GLE1: variants seen among roughly 807,000 people sequenced by gnomAD.
GLE1 encodes mRNA export factor GLE1.
GLE1 carries 78 observed loss-of-function variants against 97.3 expected under a neutral mutation model. The ratio of observed to expected loss-of-function variants is 0.80; its 90% CI spans 0.67 to 0.97. GLE1 has a LOEUF of 0.97. GLE1 is among the 50% of genes least tolerant of loss of function. The probability of loss-of-function intolerance (pLI) is 0.00; values close to 1 mark genes in which losing one functional copy is unlikely to be tolerated. For synonymous variants in GLE1, 302 were observed against 313.4 expected (o/e 0.96, Z 0.39); for missense variants, 753 against 857.5 (o/e 0.88, Z 1.52).
rs771305251 is a variant in GLE1 at position 128,508,968 on chromosome 9, A to G, written c.192A>G (p.Gln64=). The change falls in exon 2 of 16, where the codon CAA becomes CAG. Residue 64 remains glutamine (Q), a synonymous_variant. Transcript: ENST00000309971. ...TCCTACCCCATATGCAGGAGAACCA[A>G]CCTCTGTCTGAGACTTCGCCATCCT... ...EHVLPHMQEN[Q]PLSETSPSST... The G allele has an allele frequency of 6.2e-7, 1 of 1,611,610 alleles. No individual in the cohort carries two copies. Among genetic ancestry groups the G allele is most frequent in the Non-Finnish European group, 8.5e-7 (1 of 1,177,866 alleles).
intron 1 of GLE1, among the ~76,000 whole-genome samples, chr9:128,505,368 C>A (rs1846611270): frequency 6.6e-6 from 1 of 152,172 alleles, no homozygotes; most frequent in Admixed American, 6.5e-5. Flanking sequence ...CTAGCATTTG[C>A]AAAGCTCTGC....
At chr9:128,508,820 A>AAC in intron 1 of GLE1, 56 bp from the exon 2 acceptor site, 1 of 993,904 alleles carries the variant, frequency 1.0e-6, no homozygotes, top group South Asian at 1.3e-5. Context: ...CATGTAGTGG[A>AAC]TTATACTGAG....
chr9:128,532,569 C>A, intron 9 of GLE1: 1 of 174,382 alleles, frequency 5.7e-6, no homozygotes, highest in Non-Finnish European at 1.1e-5. Flanking sequence ...AACCCAGTGG[C>A]AGGAATGAGG....
At chr9:128,538,799 G>A (rs970913785) in intron 13 of GLE1, among the ~76,000 whole-genome samples, 4 of 152,086 alleles carry the variant, frequency 2.6e-5, no homozygotes, top group African/African-American at 9.7e-5. Flanking sequence ...GGGCTCAAGC[G>A]ATCCTCCCAC....
In GLE1 at chr9:128,541,195, CGCT is replaced by C; in HGVS notation, c.*31_*33del. The C allele has an allele frequency of 1.5e-6, 2 of 1,319,148 alleles. No individual in the cohort carries two copies. The highest frequency in any genetic ancestry group is 2.2e-6 in the Non-Finnish European group (2 of 910,586). 81.7% of individuals were successfully genotyped at this position (1,319,148 alleles called of 1,614,324 possible). ...ATGTCACTCCATCACCCACCATCACCGCTGCTGCAAAGAGGCAATAATAAAGGA... is the reference window on the plus strand; with the variant it reads ...ATGTCACTCCATCACCCACCATCACCGCTGCAAAGAGGCAATAATAAAGGA... On this transcript the variant is annotated 3_prime_UTR_variant, in exon 16 of 16. Coordinates refer to ENST00000309971, the MANE Select transcript of GLE1 (RefSeq NM_001003722.2).
chr9:128,528,347 A>G (rs894875798), intron 9 of GLE1, among the ~76,000 whole-genome samples: 1 of 134,548 alleles, frequency 7.4e-6, no homozygotes, highest in Non-Finnish European at 1.6e-5. Flanking sequence ...TCTGTCACCC[A>G]GACTGGAGTG....
intron 1 of GLE1, among the ~76,000 whole-genome samples, chr9:128,507,380 G>A (rs1302677933): frequency 6.6e-6 from 1 of 151,986 alleles, no homozygotes; most frequent in Non-Finnish European, 1.5e-5. Flanking sequence ...CCAGAAGTTC[G>A]ACACCAGCCT....
Position 128,538,028 on chromosome 9 carries a change from C to T in GLE1, c.1819C>T (p.Gln607Ter), listed in dbSNP as rs1252290201. The T allele has an allele frequency of 1.2e-6, 2 of 1,613,036 alleles. No homozygotes were observed. The highest frequency in any genetic ancestry group is 1.7e-5 in the Admixed American group (1 of 60,006). Residue 607 changes from glutamine (Q) to a stop codon, truncating the protein, a stop_gained, in exon 13 of 16, where the codon CAG (glutamine) becomes TAG (stop). Transcript: ENST00000309971. LOFTEE classifies it high-confidence loss of function. ...GLNHGWRWLA[Q>*]ILNMEPLSDV... ...AAATCATGGATGGCGCTGGTTGGCA[C>T]AGATCTTAAACATGGAGCCCTTGTC...
At chr9:128,517,987 T>C (rs1847034536) in intron 3 of GLE1, among the ~76,000 whole-genome samples, 1 of 152,180 alleles carries the variant, frequency 6.6e-6, no homozygotes, top group Non-Finnish European at 1.5e-5. Flanking sequence ...AAGATCCTTA[T>C]TGCTAGTAAT....
intron 6 of GLE1, 124 bp downstream of exon 6, chr9:128,523,970 C>T: frequency 3.5e-6 from 3 of 855,372 alleles, no homozygotes; most frequent in South Asian, 1.5e-5. Flanking sequence ...CCAAACATTA[C>T]TTGTTATCTC....
At chr9:128,539,507 G>A in intron 13 of GLE1, 109 bp from the exon 14 acceptor site, 1 of 900,420 alleles carries the variant, frequency 1.1e-6, no homozygotes. Flanking sequence ...CATTGTGGTT[G>A]AAATTTTTGA....
At chr9:128,522,572 A>T in intron 3 of GLE1, 96 bp from the exon 4 acceptor site, 2 of 1,338,530 alleles carry the variant, frequency 1.5e-6, no homozygotes, top group African/African-American at 3.0e-5. Flanking sequence ...AATCGCTTGA[A>T]CCCGGGAGTT....
rs769230078 is a variant in GLE1 at position 128,508,890 on chromosome 9, A to ATG, written c.116_117dup (p.Met40ValfsTer15). The ATG allele has an allele frequency of 1.3e-6, 2 of 1,595,460 alleles. No individual in the cohort carries two copies. Among genetic ancestry groups the ATG allele is most frequent in the South Asian group, 2.2e-5 (2 of 90,714 alleles). On this transcript the variant is annotated frameshift_variant, in exon 2 of 16. Transcript: ENST00000309971. LOFTEE classifies it high-confidence loss of function. ...CTTTTCTCTAGGATGTTTTAGAAGAATGTATGTCTCTTCCCAAGCTATCTT... is the reference window on the plus strand; with the variant it reads ...CTTTTCTCTAGGATGTTTTAGAAGAATGTGTATGTCTCTTCCCAAGCTATCTT...
intron 2 of GLE1, among the ~76,000 whole-genome samples, chr9:128,515,216 G>C (rs898554540): frequency 6.6e-6 from 1 of 152,152 alleles, no homozygotes; most frequent in Non-Finnish European, 1.5e-5. Flanking sequence ...AGCATCCCAG[G>C]ATAAATGGAC....
chr9:128,509,651 CAA>C (rs200898903), intron 2 of GLE1, among the ~76,000 whole-genome samples: 54 of 125,828 alleles, frequency 4.3e-4, no homozygotes, highest in Non-Finnish European at 4.0e-4. Flanking sequence ...CTCCTAAACG[CAA>C]AAAAAAAAAA....
Position 128,514,710 on chromosome 9 carries a change from T to C in GLE1, c.322-819T>C, listed in dbSNP as rs1662380518. Among the ~76,000 whole-genome samples, 2 of 152,222 alleles carry C rather than the reference T, an allele frequency of 1.3e-5. 1 individual carries two copies. The highest frequency in any genetic ancestry group is 4.1e-4 in the South Asian group (2 of 4,826). On this transcript the variant is annotated intron_variant, in intron 2 of 15. Coordinates refer to ENST00000309971, the MANE Select transcript of GLE1 (RefSeq NM_001003722.2). ...GGTTTAGTAGAGACAGGGTATGTCT[T>C]GTGTATGTTTAGTAGAGACAGGGTT... is the stretch of plus-strand genomic sequence containing the variant.
rs1778960585 is a variant in GLE1, at chr9:128,540,524, T to C, written c.2028+186T>C. Reference sequence around the variant, plus strand: ...GGGCTGCCATTTCCTCTTCTTTATATGTATCATTCTCTATACTGCCTGTGA... The same window carrying C: ...GGGCTGCCATTTCCTCTTCTTTATACGTATCATTCTCTATACTGCCTGTGA... On this transcript the variant is annotated intron_variant, in intron 15 of 15. Coordinates refer to ENST00000309971, the MANE Select transcript of GLE1 (RefSeq NM_001003722.2). 7.9e-6 allele frequency: 5 copies of C among 632,186 alleles called. No homozygotes were observed. The Admixed American group carries it at 1.2e-4, about 15-fold the overall frequency. The allele number at this position is 632,186 out of a possible 1,614,324, so 39.2% of individuals were successfully genotyped here.
In GLE1 at chr9:128,534,100, G is replaced by A. The variant is rs537074915; in HGVS notation, c.1646+149G>A. On this transcript the variant is annotated intron_variant, in intron 11 of 15. Transcript: ENST00000309971. ...TAATGTCTTTCGGCCGGGTGCAGTGGCTCATGCCTGTAATCCCAACATTTT... is the reference window on the plus strand; with the variant it reads ...TAATGTCTTTCGGCCGGGTGCAGTGACTCATGCCTGTAATCCCAACATTTT... 382 of 705,942 alleles carry A rather than the reference G, an allele frequency of 5.4e-4. 1 individual carries two copies. The highest frequency in any genetic ancestry group is 3.7e-3 in the South Asian group (241 of 64,728). 43.7% of individuals were successfully genotyped at this position (705,942 alleles called of 1,614,324 possible).
chr9:128,513,585 C>A (rs1174598985), intron 2 of GLE1, among the ~76,000 whole-genome samples: 1 of 151,964 alleles, frequency 6.6e-6, no homozygotes, highest in Non-Finnish European at 1.5e-5. Flanking sequence ...TGGCTCATGC[C>A]TACGGTCCCA....
Sources: allele counts gnomAD v4.1 joint callset (sites outside exome capture counted in the v4.1 genomes callset), GRCh38; gene constraint gnomAD v4.1.1; transcripts MANE v1.5; gene names NCBI Gene and HGNC (gene_info 2026-07-23, HGNC 2026-07-21).